Variants in CPVL observed in about 807,000 individuals in gnomAD.
CPVL encodes the protein carboxypeptidase vitellogenic like.
Under a neutral mutation model 63.7 loss-of-function variants are expected in CPVL, and 51 were observed. The observed-to-expected ratio is 0.80, with a 90% CI of 0.64 to 1.01. CPVL has a LOEUF of 1.01. CPVL is among the 50% of genes least tolerant of loss of function. CPVL has a pLI of 0.00. For missense variants in CPVL, 530 were observed against 573.1 expected, an observed-to-expected ratio of 0.92 and a Z score of 0.77; for synonymous variants, 195 against 206.0, an observed-to-expected ratio of 0.95 and a Z score of 0.46.
rs370856854 is a variant in CPVL at position 29,083,796 on chromosome 7, C to G, written c.609+2688G>C. 3.7e-4 allele frequency among the ~76,000 whole-genome samples: 56 copies of G among 152,230 alleles called. 1 individual carries two copies. In the South Asian group the frequency reaches 7.9e-3, roughly 21 times the overall value. ...CAACCAAGAGCCTTAACTAACACAC[C>G]CTTATTTATCCTTCAAAACCCGGTT... On this transcript the variant is annotated intron_variant, in intron 7 of 12. Transcript: ENST00000265394.
At chr7:29,168,079 T>C (rs1464925882) in intron 5 of CPVL, among the ~76,000 whole-genome samples, 3 of 152,330 alleles carry the variant, frequency 2.0e-5, no homozygotes, top group African/African-American at 7.2e-5. Context: ...TGGGTGTTGG[T>C]GGCAACAATA....
rs956361014 is a variant in CPVL at position 29,064,305 on chromosome 7, G to A, written c.964-71C>T. 7.4e-6 allele frequency: 7 copies of A among 941,106 alleles called. No individual in the cohort carries two copies. In the African/African-American group the frequency reaches 1.3e-4, roughly 18 times the overall value. 58.3% of individuals were successfully genotyped at this position (941,106 alleles called of 1,614,324 possible). A position where few individuals can be genotyped will look rare whatever the true frequency, so the allele number is the denominator to read the frequency against. On this transcript the variant is annotated intron_variant, in intron 10 of 12. Transcript: ENST00000265394. The stretch of plus-strand genomic sequence containing the variant: ...CAGGAACAGTATGTTGGGAAAAGCT[G>A]TGAATTTCTCATAACATACAACATG...
chr7:29,015,939 T>C (rs1583991272), intron 12 of CPVL, among the ~76,000 whole-genome samples: 1 of 152,170 alleles, frequency 6.6e-6, no homozygotes, highest in Non-Finnish European at 1.5e-5. Flanking sequence ...TTCCACAAAA[T>C]TGTGGATTAA....
intron 1 of CPVL, among the ~76,000 whole-genome samples, chr7:29,142,746 A>C (rs1258981391): frequency 1.3e-5 from 2 of 151,694 alleles, no homozygotes; most frequent in Non-Finnish European, 2.9e-5. Context: ...GGCTGGTCTC[A>C]AACTCCTGAC....
At chr7:29,024,303 A>ATG (rs1380835312) in intron 12 of CPVL, among the ~76,000 whole-genome samples, 1 of 152,210 alleles carries the variant, frequency 6.6e-6, no homozygotes, top group Non-Finnish European at 1.5e-5. Context: ...ACATATATAT[A>ATG]AAGTTTAATA....
chr7:29,081,846 C>T (rs1389801137), intron 7 of CPVL, among the ~76,000 whole-genome samples: 2 of 152,184 alleles, frequency 1.3e-5, no homozygotes, highest in African/African-American at 4.8e-5. Flanking sequence ...ATTAAATGCT[C>T]AAAACAACCC....
intron 5 of CPVL, among the ~76,000 whole-genome samples, chr7:29,160,325 A>T (rs1195465670): frequency 6.6e-6 from 1 of 152,142 alleles, no homozygotes; most frequent in Non-Finnish European, 1.5e-5. Context: ...TGATTCCCTG[A>T]TGTTCTCCCA....
intron 9 of CPVL, among the ~76,000 whole-genome samples, chr7:29,071,107 A>C (rs2128575128): frequency 6.6e-6 from 1 of 152,236 alleles, no homozygotes; most frequent in East Asian, 1.9e-4. Flanking sequence ...TGGCAAAAAA[A>C]GCAAAAAAAA....
chr7:29,008,652 T>C (rs1031257667), intron 12 of CPVL, among the ~76,000 whole-genome samples: 34 of 152,190 alleles, frequency 2.2e-4, no homozygotes, highest in Admixed American at 2.2e-3. Flanking sequence ...TCTTTTTTGC[T>C]AGTTCTTGTG....
intron 3 of CPVL, among the ~76,000 whole-genome samples, chr7:29,101,662 CTAAAGGTTTT>C (rs1787149838): frequency 6.6e-6 from 1 of 152,070 alleles, no homozygotes; most frequent in Non-Finnish European, 1.5e-5. Flanking sequence ...TTATTCTTAA[CTAAAGGTTTT>C]TTTTTTTCTT....
At chr7:29,103,411 ATTTT>A (rs551627609) in intron 3 of CPVL, among the ~76,000 whole-genome samples, 6 of 134,806 alleles carry the variant, frequency 4.5e-5, no homozygotes, top group South Asian at 2.4e-4. Context: ...ATGCTCAGCT[ATTTT>A]TTTTTTTTTT....
chr7:29,175,914 C>T (rs759842200), intron 5 of CPVL, among the ~76,000 whole-genome samples: 38 of 152,100 alleles, frequency 2.5e-4, no homozygotes, highest in South Asian at 1.0e-3. Context: ...CAGACGGGCG[C>T]GGTGGCTCAT....
chr7:29,017,503 T>G (rs1478157986), intron 12 of CPVL, among the ~76,000 whole-genome samples: 1 of 152,160 alleles, frequency 6.6e-6, no homozygotes, highest in Non-Finnish European at 1.5e-5. Flanking sequence ...CATGATGGTG[T>G]GTGTCTGTAA....
chr7:29,087,390 C>T (rs185019372), intron 6 of CPVL, among the ~76,000 whole-genome samples: 3 of 145,288 alleles, frequency 2.1e-5, no homozygotes, highest in Non-Finnish European at 3.0e-5. Flanking sequence ...CGCCATTGCA[C>T]TCCAGCCTGG....
intron 5 of CPVL, among the ~76,000 whole-genome samples, chr7:29,170,949 C>T (rs953851195): frequency 1.3e-5 from 2 of 152,082 alleles, no homozygotes; most frequent in Non-Finnish European, 2.9e-5. Flanking sequence ...AAAGACCTGC[C>T]CCCATGCTTC....
rs191799650 is a variant in CPVL at position 29,109,985 on chromosome 7, T to C, written c.288+2719A>G. ...AGGTTTACGGTGCCAAAGCACCACC[T>C]ACATTCTAGACATAGCTGTTCACCT... On this transcript the variant is annotated intron_variant, in intron 3 of 12. Transcript: ENST00000265394. Among the ~76,000 whole-genome samples, 682 of 152,342 alleles carry C rather than the reference T, an allele frequency of 4.5e-3. 4 individuals carry two copies. Among genetic ancestry groups the C allele is most frequent in the African/African-American group, 0.015 (612 of 41,580 alleles).
At chr7:29,071,741 C>T in intron 9 of CPVL, 32 bp downstream of exon 9, 2 of 568,576 alleles carry the variant, frequency 3.5e-6, no homozygotes, top group Non-Finnish European at 6.1e-6. Flanking sequence ...GTTTTAATTG[C>T]TCAAGGGCAG....
chr7:29,157,083 A>G (rs1051990249), intron 5 of CPVL, among the ~76,000 whole-genome samples: 1 of 152,206 alleles, frequency 6.6e-6, no homozygotes. Flanking sequence ...GACAAATTGT[A>G]GGGAAATGAA....
chr7:29,070,723 T>C (rs1783648986), intron 9 of CPVL, among the ~76,000 whole-genome samples: 1 of 152,224 alleles, frequency 6.6e-6, no homozygotes, highest in African/African-American at 2.4e-5. Flanking sequence ...TTTGCACAGC[T>C]AGCTGCTATC....
Sources: allele counts gnomAD v4.1 joint callset (sites outside exome capture counted in the v4.1 genomes callset), GRCh38; gene constraint gnomAD v4.1.1; transcripts MANE v1.5; gene names NCBI Gene and HGNC (gene_info 2026-07-23, HGNC 2026-07-21).